Variants in ASH1L observed in about 807,000 individuals in gnomAD.
ASH1L encodes the protein histone-lysine N-methyltransferase ASH1L.
A neutral mutation model predicts 269.0 loss-of-function variants in ASH1L; 23 were observed. The ratio of observed to expected loss-of-function variants is 0.09; its 90% CI spans 0.06 to 0.12. ASH1L has a LOEUF of 0.12. Ranked by LOEUF, ASH1L falls within the 10% of genes least tolerant of loss-of-function variation. The pLI is 1.00. For missense variants in ASH1L, 2,912 were observed against 3,567.8 expected (o/e 0.82, Z 4.68); for synonymous variants, 1,187 against 1,253.5 (o/e 0.95, Z 1.12).
chr1:155,441,688 G>C (rs1345398860), intron 4 of ASH1L, among the ~76,000 whole-genome samples: 1 of 150,252 alleles, frequency 6.7e-6, no homozygotes, highest in Non-Finnish European at 1.5e-5. Context: ...GGATGGTCTT[G>C]ATCTCCTGAC....
intron 4 of ASH1L, among the ~76,000 whole-genome samples, chr1:155,456,166 A>T (rs940067737): frequency 1.3e-5 from 2 of 152,164 alleles, no homozygotes; most frequent in African/African-American, 4.8e-5. Context: ...TAGTTACTTC[A>T]AAGTTCAGTC....
chr1:155,455,493 G>A lies in ASH1L; in HGVS notation c.5086+4304C>T, dbSNP rs1387166975. Among the ~76,000 whole-genome samples, 4 of 152,154 alleles carry A rather than the reference G, an allele frequency of 2.6e-5. No homozygotes were observed. The East Asian group carries it at 5.8e-4, about 22-fold the overall frequency. ...CAAATTGCTTTTTGTTTCTACAGTT[G>A]TTTACATACCTCAGTTTACTAAACA... On this transcript the variant is annotated intron_variant, in intron 4 of 27. Transcript: ENST00000392403.
intron 2 of ASH1L, 24 bp downstream of exon 2, chr1:155,521,076 C>T (rs1668853673): frequency 1.3e-6 from 2 of 1,560,746 alleles, no homozygotes; most frequent in Non-Finnish European, 1.7e-6. Context: ...TCAATAACCA[C>T]ATATTGTTAG....
At chr1:155,559,935 C>A (rs1671844808) in intron 1 of ASH1L, among the ~76,000 whole-genome samples, 1 of 152,144 alleles carries the variant, frequency 6.6e-6, no homozygotes, top group African/African-American at 2.4e-5. Flanking sequence ...AAGATACTGA[C>A]AAAGAACAAA....
rs1450873732 is a variant in ASH1L, at chr1:155,562,387, G to T, written c.-334C>A. Reference sequence around the variant, plus strand: ...GGGTCCCGCAACCGAGACTGGGATCGTCTCCCCTCCGCAAAGCGAACCCAA... The same window carrying T: ...GGGTCCCGCAACCGAGACTGGGATCTTCTCCCCTCCGCAAAGCGAACCCAA... On this transcript the variant is annotated 5_prime_UTR_variant, in exon 1 of 28. Transcript: ENST00000392403. 3 of 1,502,844 alleles carry T rather than the reference G, an allele frequency of 2.0e-6. No individual in the cohort carries two copies. Among genetic ancestry groups the T allele is most frequent in the African/African-American group, 2.8e-5 (2 of 72,338 alleles). The allele number at this position is 1,502,844 out of a possible 1,614,324, so 93.1% of individuals were successfully genotyped here.
chr1:155,396,196 A>C (rs1021857420), intron 6 of ASH1L: 3 of 152,174 alleles, frequency 2.0e-5, no homozygotes, highest in African/African-American at 7.2e-5. Context: ...AGATTTCATA[A>C]ATATATAAAA....
rs767133428 is a variant in ASH1L, at chr1:155,479,306, G to T, written c.3564C>A (p.Ile1188=). 2 of 1,614,124 alleles carry T rather than the reference G, an allele frequency of 1.2e-6. No individual in the cohort carries two copies. The highest frequency in any genetic ancestry group is 2.2e-5 in the East Asian group (1 of 44,876). ...TSLKEATPSP[I]SESHSDETIP... is the part of the protein sequence containing the mutation. Reference sequence around the variant, plus strand: ...TGGTCTCATCACTATGAGACTCACTGATTGGGGAAGGAGTAGCTTCTTTTA... The same window carrying T: ...TGGTCTCATCACTATGAGACTCACTTATTGGGGAAGGAGTAGCTTCTTTTA... The change falls in exon 3 of 28, where the codon ATC becomes ATA. Residue 1188 remains isoleucine, a synonymous_variant. Transcript: ENST00000392403.
At chr1:155,427,799 T>C (rs1228468964) in intron 5 of ASH1L, among the ~76,000 whole-genome samples, 5 of 152,150 alleles carry the variant, frequency 3.3e-5, no homozygotes, top group South Asian at 4.1e-4. Flanking sequence ...ATCACCAATA[T>C]TGGTGGTGAG....
At chr1:155,537,266 CACTCACTGAA>C (rs1670121839) in intron 1 of ASH1L, among the ~76,000 whole-genome samples, 1 of 152,062 alleles carries the variant, frequency 6.6e-6, no homozygotes, top group African/African-American at 2.4e-5. Flanking sequence ...GGGCATTATT[CACTCACTGAA>C]ACGAATTTAA....
At chr1:155,464,224 AC>A (rs1476301088) in intron 3 of ASH1L, among the ~76,000 whole-genome samples, 1 of 152,200 alleles carries the variant, frequency 6.6e-6, no homozygotes, top group African/African-American at 2.4e-5. Context: ...TCCACAAAGG[AC>A]AAGAGGTTTA....
At chr1:155,391,109 C>G (rs1657895376) in intron 7 of ASH1L, among the ~76,000 whole-genome samples, 2 of 152,138 alleles carry the variant, frequency 1.3e-5, no homozygotes, top group African/African-American at 4.8e-5. Context: ...CCACACCTGG[C>G]TAATTTTTGT....
Position 155,479,309 on chromosome 1 carries a change from T to C in ASH1L, c.3561A>G (p.Pro1187=), listed in dbSNP as rs201349383. 29 of 1,614,086 alleles carry C rather than the reference T, an allele frequency of 1.8e-5. No homozygotes were observed. In the East Asian group the frequency reaches 3.3e-4, roughly 19 times the overall value. The change falls in exon 3 of 28, where the codon CCA becomes CCG. Residue 1187 remains proline, a synonymous_variant. Transcript: ENST00000392403. ...TCTCATCACTATGAGACTCACTGAT[T>C]GGGGAAGGAGTAGCTTCTTTTAGAG... ...LTSLKEATPS[P]ISESHSDETI... is the part of the protein sequence containing the mutation.
At chr1:155,476,659 C>A (rs1193754149) in intron 3 of ASH1L, among the ~76,000 whole-genome samples, 1 of 151,504 alleles carries the variant, frequency 6.6e-6, no homozygotes, top group Non-Finnish European at 1.5e-5. Context: ...TCACGCCATT[C>A]TCCTGCCTCA....
rs539673805 is a variant in ASH1L at position 155,495,518 on chromosome 1, T to C, written c.421-13069A>G. Among the ~76,000 whole-genome samples the C allele has an allele frequency of 3.9e-5, 6 of 152,082 alleles. No homozygotes were observed. In the East Asian group the frequency reaches 1.2e-3, roughly 29 times the overall value. On this transcript the variant is annotated intron_variant, in intron 2 of 27. Coordinates refer to ENST00000392403, the MANE Select transcript of ASH1L (RefSeq NM_018489.3). ...AAGATAAAAATCTACTTATAGAAAA[T>C]ATAAGTACACCTGTATAGGGTACTT...
intron 10 of ASH1L, among the ~76,000 whole-genome samples, chr1:155,377,150 G>T (rs1282974016): frequency 2.0e-5 from 3 of 151,538 alleles, no homozygotes; most frequent in African/African-American, 7.3e-5. Flanking sequence ...CAGGTGACCT[G>T]CCTGCCTCAG....
intron 20 of ASH1L, among the ~76,000 whole-genome samples, chr1:155,346,746 G>T (rs1653370462): frequency 6.6e-6 from 1 of 152,158 alleles, no homozygotes; most frequent in African/African-American, 2.4e-5. Context: ...ATAGACTACT[G>T]AACTATTACT....
rs1404859378 is a variant in ASH1L, at chr1:155,412,204, T to C, written c.6008+3540A>G. Among the ~76,000 whole-genome samples, 3 of 149,884 alleles carry C rather than the reference T, an allele frequency of 2.0e-5. No individual in the cohort carries two copies. In the Admixed American group the frequency reaches 2.0e-4, roughly 10 times the overall value. The stretch of plus-strand genomic sequence containing the variant: ...TTGCAGTGAGCCAAGATCTTGCCAC[T>C]GCACCCCAGCTTGGGCAACAGAGCA... On this transcript the variant is annotated intron_variant, in intron 6 of 27. Coordinates refer to ENST00000392403, the MANE Select transcript of ASH1L (RefSeq NM_018489.3).
At chr1:155,433,736 C>T (rs761343588) in intron 5 of ASH1L, 94 of 1,602,386 alleles carry the variant, frequency 5.9e-5, no homozygotes, top group Non-Finnish European at 7.2e-5. Context: ...GACCATCTGC[C>T]GCTTTGAGGG....
At chr1:155,337,938 C>T in intron 27 of ASH1L, 151 bp downstream of exon 27, 1 of 1,022,122 alleles carries the variant, frequency 9.8e-7, no homozygotes, top group Non-Finnish European at 1.4e-6. Flanking sequence ...TCCAGTTTCA[C>T]TACCAAGATA....
Sources: allele counts gnomAD v4.1 joint callset (sites outside exome capture counted in the v4.1 genomes callset), GRCh38; gene constraint gnomAD v4.1.1; transcripts MANE v1.5; gene names NCBI Gene and HGNC (gene_info 2026-07-23, HGNC 2026-07-21).